The following DVL3 variants were observed in gnomAD, a reference collection of about 807,000 sequenced individuals.
DVL3 encodes dishevelled segment polarity protein 3, also known as segment polarity protein dishevelled homolog DVL-3.
DVL3 carries 27 observed loss-of-function variants against 67.4 expected under a neutral mutation model. The ratio of observed to expected loss-of-function variants is 0.40; its 90% CI spans 0.30 to 0.55. DVL3 has a LOEUF of 0.55. Ranked by LOEUF, DVL3 falls within the 20% of genes least tolerant of loss-of-function variation. DVL3 has a pLI of 0.46. For synonymous variants in DVL3, 369 were observed against 396.8 expected, an observed-to-expected ratio of 0.93 and a Z score of 0.83; for missense variants, 819 against 1,021.5, an observed-to-expected ratio of 0.80 and a Z score of 2.70.
chr3:184,170,487 C>A lies in DVL3; in HGVS notation c.1883C>A (p.Ala628Glu), dbSNP rs777167082. The change falls in exon 15 of 15, where the codon GCG becomes GAG. Residue 628 changes from alanine to glutamate, a missense_variant. Transcript: ENST00000313143. This position sits in a 1 kb window ranked among gnomAD's most constrained non-coding sequence, Gnocchi z 6.5. ...GCGCCCAGCGAGCGCTCAGGGCCGG[C>A]GGCCAGCGAGCACAGCCACCGCAGC... ...ERAPSERSGP[A>E]ASEHSHRSHH... The A allele has an allele frequency of 4.4e-6, 7 of 1,594,104 alleles. No homozygotes were observed. Among genetic ancestry groups the A allele is most frequent in the Non-Finnish European group, 5.1e-6 (6 of 1,170,534 alleles).
rs955188201 is a variant in DVL3 at position 184,170,903 on chromosome 3, G to T, written c.*148G>T. 3.2e-5 allele frequency: 50 copies of T among 1,545,622 alleles called. No individual in the cohort carries two copies. Among genetic ancestry groups the T allele is most frequent in the African/African-American group, 3.2e-4 (23 of 72,974 alleles). ...GTGCGCTAACTGCTCGCAGGGTGCTGCGAGGGTGGGGTGCACCTACCGATT... is the reference window on the plus strand; with the variant it reads ...GTGCGCTAACTGCTCGCAGGGTGCTTCGAGGGTGGGGTGCACCTACCGATT... On this transcript the variant is annotated 3_prime_UTR_variant, in exon 15 of 15. Transcript: ENST00000313143. The surrounding 1 kb of genome is among the most constrained non-coding windows in gnomAD (Gnocchi z 6.5).
At position 184,170,473 on chromosome 3, in the gene DVL3, G is replaced by T; in HGVS notation, c.1869G>T (p.Glu623Asp). ...GGCCGCGGGAGCGGGCGCCCAGCGA[G>T]CGCTCAGGGCCGGCGGCCAGCGAGC... The part of the protein sequence containing the change: ...LRGPRERAPS[E>D]RSGPAASEHS... Residue 623 changes from glutamate to aspartate, a missense_variant, in exon 15 of 15, where the codon GAG becomes GAT. By Grantham distance (45) the Glu-to-Asp change is conservative. This residue lies in a region of DVL3 where 324 missense variants were observed against 331.3 expected (regional missense o/e 0.98). Transcript: ENST00000313143. This position sits in a 1 kb window ranked among gnomAD's most constrained non-coding sequence, Gnocchi z 6.5. 6.3e-7 allele frequency: 1 copy of T among 1,587,878 alleles called. No homozygotes were observed. Among genetic ancestry groups the T allele is most frequent in the Non-Finnish European group, 8.6e-7 (1 of 1,167,808 alleles).
chr3:184,155,949 A>G lies in DVL3; in HGVS notation c.161+153A>G, dbSNP rs537834240. On this transcript the variant is annotated intron_variant, in intron 1 of 14. Coordinates refer to ENST00000313143, the MANE Select transcript of DVL3 (RefSeq NM_004423.4). The surrounding 1 kb of genome is among the most constrained non-coding windows in gnomAD (Gnocchi z 5.4). ...GGCCCATTTGGGCCCCTTTGGTTCC[A>G]GCCCCAGTAGCAACTCCCGTTTACC... Among the ~76,000 whole-genome samples the G allele has an allele frequency of 1.3e-5, 2 of 152,208 alleles. No homozygotes were observed. Among genetic ancestry groups the G allele is most frequent in the Admixed American group, 1.3e-4 (2 of 15,304 alleles).
At chr3:184,161,437 A>C (rs1248947705) in intron 1 of DVL3, among the ~76,000 whole-genome samples, 3 of 151,848 alleles carry the variant, frequency 2.0e-5, no homozygotes, top group Non-Finnish European at 4.4e-5. Context: ...AAAAAAAAAA[A>C]ACCAAAGAAC....
Position 184,171,332 on chromosome 3 carries a change from T to C in DVL3, c.*577T>C, listed in dbSNP as rs1714830097. The C allele has an allele frequency of 5.9e-6, 6 of 1,018,712 alleles. No homozygotes were observed. The South Asian group carries it at 2.2e-4, about 38-fold the overall frequency. The allele number at this position is 1,018,712 out of a possible 1,614,324, so 63.1% of individuals were successfully genotyped here. A position where few individuals can be genotyped will look rare whatever the true frequency, so the allele number is the denominator to read the frequency against. ...AAGCTGTAGTCGCCTCCAATAGCCA[T>C]CCATGCCATCCCTGCCTGTGCCTAG... is the stretch of plus-strand genomic sequence containing the variant. On this transcript the variant is annotated 3_prime_UTR_variant, in exon 15 of 15. Transcript: ENST00000313143.
Position 184,171,928 on chromosome 3 carries a change from C to A in DVL3, c.*1173C>A, listed in dbSNP as rs1714858138. 1 of 152,926 alleles carries A rather than the reference C, an allele frequency of 6.5e-6. No individual in the cohort carries two copies. The highest frequency in any genetic ancestry group is 1.5e-5 in the Non-Finnish European group (1 of 68,204). The allele number at this position is 152,926 out of a possible 1,614,324, so 9.5% of individuals were successfully genotyped here. On this transcript the variant is annotated 3_prime_UTR_variant, in exon 15 of 15. Transcript: ENST00000313143. Reference sequence around the variant, plus strand: ...AGTTCATTTAAGCCTCAGGGCTGGTCCCTGCCCAAAGGGCTGGACCCTCCT... The same window carrying A: ...AGTTCATTTAAGCCTCAGGGCTGGTACCTGCCCAAAGGGCTGGACCCTCCT...
chr3:184,159,512 TGCCAC>T (rs1450613277), intron 1 of DVL3, among the ~76,000 whole-genome samples: 1 of 104,100 alleles, frequency 9.6e-6, no homozygotes, highest in East Asian at 3.0e-4. Flanking sequence ...TACTGGTGTG[TGCCAC>T]CACACCTGGC....
In DVL3 at chr3:184,166,514, C is replaced by CAAACCGGGGTATGGAA. The variant is rs763669060; in HGVS notation, c.980+7_980+8insAAAACCGGGGTATGGA. 6.8e-6 allele frequency: 11 copies of CAAACCGGGGTATGGAA among 1,614,044 alleles called. No individual in the cohort carries two copies. In the South Asian group the frequency reaches 1.1e-4, roughly 16 times the overall value. On this transcript the variant is annotated frameshift_variant, in exon 9 of 15. Transcript: ENST00000313143. LOFTEE classifies it high-confidence loss of function. This position sits in a 1 kb window ranked among gnomAD's most constrained non-coding sequence, Gnocchi z 6.7. ...TCCGGGTACTGCGGGAGATTGTGCA[C>CAAACCGGGGTATGGAA]AAACCGGGGTATGGATGGAATGGGG...
chr3:184,167,862 A>T lies in DVL3; in HGVS notation c.1331-36A>T. ...GTGAGGCCAGATGAGTCCAAGTCAG[A>T]TGGGCCTCCCCATCAACTGGCAGCC... On this transcript the variant is annotated intron_variant, in intron 12 of 14. Coordinates refer to ENST00000313143, the MANE Select transcript of DVL3 (RefSeq NM_004423.4). The surrounding 1 kb of genome is among the most constrained non-coding windows in gnomAD (Gnocchi z 4.6). 6.2e-7 allele frequency: 1 copy of T among 1,614,052 alleles called. No individual in the cohort carries two copies.
chr3:184,155,571 C>G lies in DVL3; in HGVS notation c.-65C>G. The G allele has an allele frequency of 7.0e-6, 7 of 1,003,772 alleles. No homozygotes were observed. The highest frequency in any genetic ancestry group is 8.3e-6 in the Non-Finnish European group (7 of 839,242). 62.2% of individuals were successfully genotyped at this position (1,003,772 alleles called of 1,614,324 possible). A position where few individuals can be genotyped will look rare whatever the true frequency, so the allele number is the denominator to read the frequency against. ...GGGCCGCGCCGCGCGCCGCCGCCGT[C>G]TGGGAGGCTCGGCCCGGCCGCCCGA... On this transcript the variant is annotated 5_prime_UTR_variant, in exon 1 of 15. Transcript: ENST00000313143. The surrounding 1 kb of genome is among the most constrained non-coding windows in gnomAD (Gnocchi z 5.4).
At position 184,170,647 on chromosome 3, in the gene DVL3, C is replaced by T. The variant is rs748437156; in HGVS notation, c.2043C>T (p.Ala681=). ...PPPAAMGPPG[A]PPGRDLASVP... is the part of the protein sequence containing the mutation. ...CCGCGGCCATGGGGCCCCCAGGAGCCCCTCCGGGCCGCGACCTGGCCTCAG... is the reference window on the plus strand; with the variant it reads ...CCGCGGCCATGGGGCCCCCAGGAGCTCCTCCGGGCCGCGACCTGGCCTCAG... The change falls in exon 15 of 15, where the codon GCC becomes GCT. Residue 681 remains alanine, a synonymous_variant. Coordinates refer to ENST00000313143, the MANE Select transcript of DVL3 (RefSeq NM_004423.4). The surrounding 1 kb of genome is among the most constrained non-coding windows in gnomAD (Gnocchi z 6.5). The T allele has an allele frequency of 6.2e-7, 1 of 1,612,148 alleles. No individual in the cohort carries two copies. Among genetic ancestry groups the T allele is most frequent in the Non-Finnish European group, 8.5e-7 (1 of 1,179,038 alleles).
rs981724844 is a variant in DVL3, at chr3:184,163,981, C to T, written c.231+255C>T. ...GTTTCCTATGCCGTTCAGACACTTGCCTCAGATTTCCTTCTGCCATCTGCT... is the reference window on the plus strand; with the variant it reads ...GTTTCCTATGCCGTTCAGACACTTGTCTCAGATTTCCTTCTGCCATCTGCT... On this transcript the variant is annotated intron_variant, in intron 2 of 14. Coordinates refer to ENST00000313143, the MANE Select transcript of DVL3 (RefSeq NM_004423.4). The surrounding 1 kb of genome is among the most constrained non-coding windows in gnomAD (Gnocchi z 4.5). Among the ~76,000 whole-genome samples, 5 of 152,098 alleles carry T rather than the reference C, an allele frequency of 3.3e-5. No individual in the cohort carries two copies. Among genetic ancestry groups the T allele is most frequent in the Non-Finnish European group, 7.4e-5 (5 of 68,018 alleles).
Position 184,155,572 on chromosome 3 carries a change from T to C in DVL3, c.-64T>C, listed in dbSNP as rs1338385297. 32 of 1,004,652 alleles carry C rather than the reference T, an allele frequency of 3.2e-5. No individual in the cohort carries two copies. Among genetic ancestry groups the C allele is most frequent in the Non-Finnish European group, 3.6e-5 (30 of 839,948 alleles). 62.2% of individuals were successfully genotyped at this position (1,004,652 alleles called of 1,614,324 possible). A position where few individuals can be genotyped will look rare whatever the true frequency, so the allele number is the denominator to read the frequency against. On this transcript the variant is annotated 5_prime_UTR_variant, in exon 1 of 15. Coordinates refer to ENST00000313143, the MANE Select transcript of DVL3 (RefSeq NM_004423.4). This position sits in a 1 kb window ranked among gnomAD's most constrained non-coding sequence, Gnocchi z 5.4. ...GGCCGCGCCGCGCGCCGCCGCCGTC[T>C]GGGAGGCTCGGCCCGGCCGCCCGAG...
Position 184,170,480 on chromosome 3 carries a change from G to A in DVL3, c.1876G>A (p.Gly626Arg). 6.3e-7 allele frequency: 1 copy of A among 1,593,284 alleles called. No homozygotes were observed. The highest frequency in any genetic ancestry group is 1.8e-5 in the Admixed American group (1 of 56,504). The part of the protein sequence containing the change: ...PRERAPSERS[G>R]PAASEHSHRS... ...GGAGCGGGCGCCCAGCGAGCGCTCA[G>A]GGCCGGCGGCCAGCGAGCACAGCCA... Residue 626 changes from glycine to arginine, a missense_variant, in exon 15 of 15, where the codon GGG becomes AGG. Coordinates refer to ENST00000313143, the MANE Select transcript of DVL3 (RefSeq NM_004423.4). This position sits in a 1 kb window ranked among gnomAD's most constrained non-coding sequence, Gnocchi z 6.5.
rs200366490 is a variant in DVL3 at position 184,166,827 on chromosome 3, C to T, written c.1050C>T (p.Ser350=). The T allele has an allele frequency of 1.5e-5, 25 of 1,613,774 alleles. No individual in the cohort carries two copies. Among genetic ancestry groups the T allele is most frequent in the African/African-American group, 8.0e-5 (6 of 75,032 alleles). ...CATGACTCCTCATCCTCCCTGCAGGCGAGCCCATCCGGCCCATTGACCCTG... is the reference window on the plus strand; with the variant it reads ...CATGACTCCTCATCCTCCCTGCAGGTGAGCCCATCCGGCCCATTGACCCTG... ...SPRGCFTLPR[S]EPIRPIDPAA... is the part of the protein sequence containing the mutation. The change falls in exon 11 of 15, where the codon AGC becomes AGT. Residue 350 remains serine (S), a splice_region_variant and synonymous_variant. Coordinates refer to ENST00000313143, the MANE Select transcript of DVL3 (RefSeq NM_004423.4). This position sits in a 1 kb window ranked among gnomAD's most constrained non-coding sequence, Gnocchi z 6.7.
Position 184,167,263 on chromosome 3 carries a change from A to G in DVL3, c.1198+288A>G, listed in dbSNP as rs146827642. ...GTTCCTGTGGGTTTAATGAGAGGAT[A>G]TAAGTGAAGCACCATTGCGATGTGT... is the stretch of plus-strand genomic sequence containing the variant. On this transcript the variant is annotated intron_variant, in intron 11 of 14. Coordinates refer to ENST00000313143, the MANE Select transcript of DVL3 (RefSeq NM_004423.4). This position sits in a 1 kb window ranked among gnomAD's most constrained non-coding sequence, Gnocchi z 4.6. 4.6e-5 allele frequency among the ~76,000 whole-genome samples: 7 copies of G among 152,332 alleles called. No individual in the cohort carries two copies. In the East Asian group the frequency reaches 1.3e-3, roughly 29 times the overall value.
rs986906016 is a variant in DVL3 at position 184,172,492 on chromosome 3, G to C, written c.*1737G>C. Reference sequence around the variant, plus strand: ...CTCACGTCTGTAATCCCAGCACTTTGGGAGGCTGAGACAGGTGGATCACTT... The same window carrying C: ...CTCACGTCTGTAATCCCAGCACTTTCGGAGGCTGAGACAGGTGGATCACTT... On this transcript the variant is annotated 3_prime_UTR_variant, in exon 15 of 15. Transcript: ENST00000313143. The C allele has an allele frequency of 2.0e-5, 3 of 152,292 alleles. No individual in the cohort carries two copies. Among genetic ancestry groups the C allele is most frequent in the African/African-American group, 7.2e-5 (3 of 41,544 alleles). The allele number at this position is 152,292 out of a possible 1,614,324, so 9.4% of individuals were successfully genotyped here.
rs1056585710 is a variant in DVL3 at position 184,166,657 on chromosome 3, C to T, written c.1032C>T (p.Cys344=). 25 of 1,614,000 alleles carry T rather than the reference C, an allele frequency of 1.5e-5. No homozygotes were observed. In the African/African-American group the frequency reaches 1.7e-4, roughly 11 times the overall value. ...AKCWDPSPRG[C]FTLPRSEPIR... Reference sequence around the variant, plus strand: ...GCTGGGACCCAAGTCCACGTGGTTGCTTCACATTGCCCAGGAGTAAGTGGA... The same window carrying T: ...GCTGGGACCCAAGTCCACGTGGTTGTTTCACATTGCCCAGGAGTAAGTGGA... The change falls in exon 10 of 15, where the codon TGC becomes TGT. Residue 344 remains cysteine, a synonymous_variant. Coordinates refer to ENST00000313143, the MANE Select transcript of DVL3 (RefSeq NM_004423.4). This position sits in a 1 kb window ranked among gnomAD's most constrained non-coding sequence, Gnocchi z 6.7.
intron 1 of DVL3, among the ~76,000 whole-genome samples, chr3:184,157,959 T>C (rs1319883886): frequency 6.6e-6 from 1 of 152,240 alleles, no homozygotes; most frequent in Non-Finnish European, 1.5e-5. Context: ...CAGGGACTAA[T>C]CTAAATGCTT....
Sources: gnomAD v4.1 joint callset for allele counts (sites outside exome capture counted in the v4.1 genomes callset) on GRCh38, gnomAD v4.1.1 for gene constraint, gnomAD v4.1.1 regional missense constraint, Gnocchi (gnomAD v3.1) non-coding constraint, MANE v1.5 for transcripts, NCBI Gene and HGNC (gene_info 2026-07-23, HGNC 2026-07-21) for gene names.